Variants in DESI2 observed in about 807,000 individuals in gnomAD.
DESI2 encodes the protein desumoylating isopeptidase 2.
DESI2 carries 10 observed loss-of-function variants against 24.1 expected under a neutral mutation model. That is an observed-to-expected ratio of 0.41 (90% CI 0.26 to 0.70). The LOEUF (loss-of-function observed/expected upper bound fraction) is 0.70. DESI2 is among the 30% of genes least tolerant of loss of function. The pLI is 0.29. For missense variants in DESI2, 122 were observed against 234.9 expected (o/e 0.52, Z 3.14); for synonymous variants, 71 against 87.7 (o/e 0.81, Z 1.06).
chr1:244,696,010 T>C (rs1362793343), intron 4 of DESI2, among the ~76,000 whole-genome samples: 1 of 151,938 alleles, frequency 6.6e-6, no homozygotes, highest in Non-Finnish European at 1.5e-5. Flanking sequence ...ACTCAAGCAA[T>C]CCTCCCACCT....
At chr1:244,670,383 T>G (rs999318786) in intron 1 of DESI2, among the ~76,000 whole-genome samples, 1 of 152,208 alleles carries the variant, frequency 6.6e-6, no homozygotes, top group African/African-American at 2.4e-5. Flanking sequence ...TCTTGAAAAT[T>G]TTGACACTGT....
chr1:244,655,355 T>C (rs947405253), intron 1 of DESI2, among the ~76,000 whole-genome samples: 9 of 152,246 alleles, frequency 5.9e-5, no homozygotes, highest in African/African-American at 2.2e-4. Context: ...TGCTTTTGCC[T>C]GTGAACAGGA....
Position 244,686,575 on chromosome 1 carries a change from CTTTTCTTTCTTT to C in DESI2, c.43-15_43-4del. Reference sequence around the variant, plus strand: ...TTGTAAATGAACAGGTATTCTGAATCTTTTCTTTCTTTTTTTCTCAGTATTGGATGAACGAAT... The same window carrying C: ...TTGTAAATGAACAGGTATTCTGAATCTTTTCTCAGTATTGGATGAACGAAT... On this transcript the variant is annotated splice_polypyrimidine_tract_variant and intron_variant, in intron 1 of 4. Transcript: ENST00000302550. 1 of 1,524,918 alleles carries C rather than the reference CTTTTCTTTCTTT, an allele frequency of 6.6e-7. No individual in the cohort carries two copies. The highest frequency in any genetic ancestry group is 2.3e-5 in the East Asian group (1 of 44,426). 94.5% of individuals were successfully genotyped at this position (1,524,918 alleles called of 1,614,324 possible).
In DESI2 at chr1:244,689,517, C is replaced by CTT. The variant is rs35130686; in HGVS notation, c.209+184_209+185dup. ...TGCCTCAGGAAACTCATTTCTTTTCCTTTTTTTTTTGAGATGGAGTCTCAC... is the reference window on the plus strand; with the variant it reads ...TGCCTCAGGAAACTCATTTCTTTTCCTTTTTTTTTTTTGAGATGGAGTCTCAC... On this transcript the variant is annotated intron_variant, in intron 3 of 4. Transcript: ENST00000302550. The surrounding 1 kb of genome is among the most constrained non-coding windows in gnomAD (Gnocchi z 4.0). Among the ~76,000 whole-genome samples the CTT allele has an allele frequency of 0.023, 3,393 of 149,032 alleles. 123 individuals are homozygous for CTT. The highest frequency in any genetic ancestry group is 0.077 in the African/African-American group (3,131 of 40,806).
chr1:244,671,356 C>G (rs1021075230), intron 1 of DESI2, among the ~76,000 whole-genome samples: 3 of 152,176 alleles, frequency 2.0e-5, no homozygotes, highest in Admixed American at 2.0e-4. Flanking sequence ...CCTTGTACAG[C>G]ACCACTTTTG....
At chr1:244,653,542 G>A (rs935669928) in intron 1 of DESI2, 187 bp downstream of exon 1, 8 of 577,798 alleles carry the variant, frequency 1.4e-5, no homozygotes, top group African/African-American at 8.0e-5. Flanking sequence ...CGACGCTCCG[G>A]TGAACCCAGT....
chr1:244,696,393 G>A (rs11586525), intron 4 of DESI2, among the ~76,000 whole-genome samples: 36,211 of 152,140 alleles, frequency 0.24, 4,350 homozygotes, highest in South Asian at 0.31. Context: ...AGGCTGAGGC[G>A]GGTAGGTTGC....
chr1:244,696,544 C>T (rs1296108286), intron 4 of DESI2, among the ~76,000 whole-genome samples: 1 of 152,126 alleles, frequency 6.6e-6, no homozygotes, highest in Admixed American at 6.6e-5. Context: ...GGCTTAAGCC[C>T]AGGAGGCAGA....
chr1:244,668,420 G>T (rs1676124224), intron 1 of DESI2, among the ~76,000 whole-genome samples: 1 of 152,050 alleles, frequency 6.6e-6, no homozygotes, highest in Non-Finnish European at 1.5e-5. Context: ...ACTGATATGG[G>T]GCTTTTTAAA....
At chr1:244,704,161 T>C (rs1573237983) in intron 4 of DESI2, among the ~76,000 whole-genome samples, 1 of 152,152 alleles carries the variant, frequency 6.6e-6, no homozygotes, top group African/African-American at 2.4e-5. Context: ...AAGGTACACG[T>C]TGTATAATTA....
intron 4 of DESI2, among the ~76,000 whole-genome samples, chr1:244,703,282 A>G (rs12089758): frequency 0.02 from 3,110 of 152,134 alleles, 105 homozygotes; most frequent in African/African-American, 0.069. Context: ...GATTACAGGC[A>G]TAAGATACCA....
intron 1 of DESI2, among the ~76,000 whole-genome samples, chr1:244,656,698 G>C (rs960692298): frequency 6.6e-6 from 1 of 152,122 alleles, no homozygotes; most frequent in African/African-American, 2.4e-5. Context: ...CTTGACTAAT[G>C]AATTTTTATA....
At chr1:244,685,809 ACTCATTTACC>A (rs1676797457) in intron 1 of DESI2, among the ~76,000 whole-genome samples, 1 of 151,892 alleles carries the variant, frequency 6.6e-6, no homozygotes, top group Non-Finnish European at 1.5e-5. Flanking sequence ...TGAGCTCTTA[ACTCATTTACC>A]TTTTTCTCAG....
chr1:244,694,000 T>C (rs1677119683), intron 4 of DESI2, among the ~76,000 whole-genome samples: 1 of 152,234 alleles, frequency 6.6e-6, no homozygotes, highest in South Asian at 2.1e-4. Context: ...TAATGAAGTT[T>C]AGTAAAACTG....
At chr1:244,701,486 A>T (rs1677461530) in intron 4 of DESI2, among the ~76,000 whole-genome samples, 1 of 152,208 alleles carries the variant, frequency 6.6e-6, no homozygotes, top group Non-Finnish European at 1.5e-5. Flanking sequence ...TTTGACTGTC[A>T]AAATTCTATA....
At chr1:244,655,337 C>G (rs1469695044) in intron 1 of DESI2, among the ~76,000 whole-genome samples, 1 of 152,156 alleles carries the variant, frequency 6.6e-6, no homozygotes, top group Non-Finnish European at 1.5e-5. Context: ...GCACTTATGT[C>G]TTTATATTGC....
intron 1 of DESI2, among the ~76,000 whole-genome samples, chr1:244,672,986 A>G (rs142171068): frequency 2.0e-4 from 30 of 152,280 alleles, no homozygotes; most frequent in Non-Finnish European, 3.7e-4. Flanking sequence ...TCATTCCGTA[A>G]AAGGCTCAGT....
At chr1:244,703,915 C>T (rs1443134569) in intron 4 of DESI2, among the ~76,000 whole-genome samples, 1 of 152,092 alleles carries the variant, frequency 6.6e-6, no homozygotes, top group African/African-American at 2.4e-5. Context: ...GCCTCGGCCT[C>T]CCAAAGTGCT....
chr1:244,683,322 C>CTTTTTTTTTTTTTTTTTTTTTTTTT (rs1558660353), intron 1 of DESI2, among the ~76,000 whole-genome samples: 1 of 151,768 alleles, frequency 6.6e-6, no homozygotes, highest in African/African-American at 2.4e-5. Flanking sequence ...TTACTTTTTT[C>CTTTTTTTTTTTTTTTTTTTTTTTTT]TTTTTTTGAG....
Sources: gnomAD v4.1 joint callset for allele counts (sites outside exome capture counted in the v4.1 genomes callset) on GRCh38, gnomAD v4.1.1 for gene constraint, Gnocchi (gnomAD v3.1) non-coding constraint, MANE v1.5 for transcripts, NCBI Gene and HGNC (gene_info 2026-07-23, HGNC 2026-07-21) for gene names.